Variants in MMP20 observed in about 807,000 individuals in gnomAD.
MMP20 encodes matrix metalloproteinase-20.
In MMP20, 50 loss-of-function variants were observed where a neutral mutation model predicts 51.8. The ratio of observed to expected loss-of-function variants is 0.97; its 90% confidence interval spans 0.77 to 1.22. The LOEUF (loss-of-function observed/expected upper bound fraction) is 1.22, where lower values mean the gene tolerates loss of function less well. Among genes scored for constraint, MMP20 ranks in the 50% most tolerant of loss-of-function variants. The pLI, the probability that MMP20 is intolerant of heterozygous loss-of-function variation, is 0.00. For missense variants in MMP20, 663 were observed against 601.4 expected (o/e 1.10, Z -1.07); for synonymous variants, 244 against 216.2 (o/e 1.13, Z -1.13).
chr11:102,612,711 C>CTTTTCTT (rs1859617952), intron 2 of MMP20, among the ~76,000 whole-genome samples: 1 of 145,668 alleles, frequency 6.9e-6, no homozygotes, highest in Non-Finnish European at 1.5e-5. Context: ...ATAATGCATT[C>CTTTTCTT]TTTTCTTTTT....
chr11:102,590,839 A>T (rs1328707985), intron 8 of MMP20, among the ~76,000 whole-genome samples: 2 of 152,190 alleles, frequency 1.3e-5, no homozygotes, highest in African/African-American at 4.8e-5. Flanking sequence ...CAGTAGGGAC[A>T]TAATGACTAA....
intron 6 of MMP20, among the ~76,000 whole-genome samples, chr11:102,598,681 T>G (rs1565393731): frequency 6.6e-6 from 1 of 152,242 alleles, no homozygotes; most frequent in Non-Finnish European, 1.5e-5. Context: ...GCTAGTTCCT[T>G]GAATTCCTCC....
chr11:102,614,215 C>T (rs7123742), intron 2 of MMP20, among the ~76,000 whole-genome samples: 19,478 of 152,112 alleles, frequency 0.13, 1,380 homozygotes, highest in East Asian at 0.34. Flanking sequence ...AAAGCTTATG[C>T]ATATAAGCAC....
chr11:102,623,642 A>G (rs1339803507), intron 1 of MMP20, among the ~76,000 whole-genome samples: 1 of 152,194 alleles, frequency 6.6e-6, no homozygotes, highest in Non-Finnish European at 1.5e-5. Context: ...AGGACCAATA[A>G]TTAATATTCT....
chr11:102,621,504 G>A (rs1201443156), intron 1 of MMP20, among the ~76,000 whole-genome samples: 2 of 152,192 alleles, frequency 1.3e-5, no homozygotes, highest in South Asian at 2.1e-4. Context: ...TACTGGCTAC[G>A]TGAGTGTGAG....
Position 102,577,412 on chromosome 11 carries a change from A to G in MMP20, c.1366T>C (p.Phe456Leu), listed in dbSNP as rs768247344. ...TACTTGTATGTTTTTGGTCCTGAAA[A>G]GAAGTAAATGTAGCCTAAAAGAGAC... is the stretch of plus-strand genomic sequence containing the variant. ...AVELNGYIYFFSGPKTYKYDT... is the reference protein window; with the variant it reads ...AVELNGYIYFLSGPKTYKYDT... The change falls in exon 10 of 10, where the codon TTT (phenylalanine) becomes CTT (leucine). Residue 456 changes from phenylalanine to leucine, a missense_variant. Transcript: ENST00000260228. 3.7e-6 allele frequency: 6 copies of G among 1,613,370 alleles called. No individual in the cohort carries two copies. In the South Asian group the frequency reaches 6.6e-5, roughly 18 times the overall value.
intron 3 of MMP20, 94 bp downstream of exon 3, chr11:102,611,661 G>A: frequency 2.7e-6 from 4 of 1,467,784 alleles, no homozygotes; most frequent in Non-Finnish European, 3.8e-6. Context: ...GTGCGAAGGA[G>A]GAGTGTGTGA....
intron 5 of MMP20, among the ~76,000 whole-genome samples, chr11:102,608,471 G>C (rs1438511537): frequency 1.3e-5 from 2 of 152,164 alleles, no homozygotes; most frequent in African/African-American, 4.8e-5. Flanking sequence ...CCCACAGGTT[G>C]GTTGTGAGGC....
At chr11:102,580,561 T>A (rs1859180712) in intron 8 of MMP20, among the ~76,000 whole-genome samples, 1 of 152,236 alleles carries the variant, frequency 6.6e-6, no homozygotes, top group South Asian at 2.1e-4. Flanking sequence ...AAGTCTGAGC[T>A]GCTTTACAGA....
intron 3 of MMP20, among the ~76,000 whole-genome samples, chr11:102,610,647 A>G (rs972656338): frequency 1.3e-5 from 2 of 152,168 alleles, no homozygotes; most frequent in Non-Finnish European, 2.9e-5. Context: ...TTAATTATCT[A>G]TTTTAACTAA....
intron 5 of MMP20, 115 bp from the exon 6 acceptor site, chr11:102,606,791 C>G: frequency 7.8e-7 from 1 of 1,282,612 alleles, no homozygotes; most frequent in East Asian, 2.3e-5. Flanking sequence ...TGATCATGAT[C>G]ATGGCTGTTG....
rs7934921 is a variant in MMP20, at chr11:102,578,919, T to A, written c.1351+120A>T. The A allele has an allele frequency of 0.58, 437,412 of 748,500 alleles. 130,255 individuals carry two copies. Among genetic ancestry groups the A allele is most frequent in the East Asian group, 0.78 (30,295 of 38,756 alleles). 46.4% of individuals were successfully genotyped at this position (748,500 alleles called of 1,614,324 possible). A position where few individuals can be genotyped will look rare whatever the true frequency, so the allele number is the denominator to read the frequency against. On this transcript the variant is annotated intron_variant, in intron 9 of 9. Coordinates refer to ENST00000260228, the MANE Select transcript of MMP20 (RefSeq NM_004771.4). ...GTTTAGATAAACTTATGAAAGGACC[T>A]AAGACCAAATATAAAAACCAAGGAC...
At chr11:102,613,810 T>C (rs916159326) in intron 2 of MMP20, among the ~76,000 whole-genome samples, 2 of 152,234 alleles carry the variant, frequency 1.3e-5, no homozygotes, top group South Asian at 4.1e-4. Context: ...TATTTAATGC[T>C]TTCAAAATAT....
chr11:102,606,394 C>T, intron 6 of MMP20, 141 bp downstream of exon 6: 2 of 1,137,792 alleles, frequency 1.8e-6, no homozygotes, highest in Non-Finnish European at 2.6e-6. Context: ...CCCAAAGACC[C>T]CTGCCTACCA....
rs532748036 is a variant in MMP20 at position 102,589,643 on chromosome 11, A to G, written c.1247+3796T>C. On this transcript the variant is annotated intron_variant, in intron 8 of 9. Transcript: ENST00000260228. The stretch of plus-strand genomic sequence containing the variant: ...TCCAAATTGTCAGATAATTGTTGGT[A>G]GAGTTAAGATTAACACTAGGACTTT... 3.9e-5 allele frequency among the ~76,000 whole-genome samples: 6 copies of G among 152,326 alleles called. No individual in the cohort carries two copies. The South Asian group carries it at 1.2e-3, about 32-fold the overall frequency.
Position 102,593,580 on chromosome 11 carries a change from A to T in MMP20, c.1106T>A (p.Ile369Lys), listed in dbSNP as rs760029624. ...AYFFKGPHYW[I>K]TRGFQMQGPP... is the part of the protein sequence containing the mutation. ...ACCTTGCATTTGGAATCCTCTTGTT[A>T]TCCAGTAGTGGGGACCTGAAAACAG... The change falls in exon 8 of 10, where the codon ATA becomes AAA. Residue 369 changes from isoleucine to lysine, a missense_variant. By Grantham distance (102) the Ile-to-Lys change is moderately radical (BLOSUM62 -3). Coordinates refer to ENST00000260228, the MANE Select transcript of MMP20 (RefSeq NM_004771.4). The T allele has an allele frequency of 1.9e-6, 3 of 1,614,128 alleles. No individual in the cohort carries two copies. The highest frequency in any genetic ancestry group is 2.5e-6 in the Non-Finnish European group (3 of 1,179,978).
At chr11:102,621,017 G>C (rs374847723) in intron 1 of MMP20, among the ~76,000 whole-genome samples, 2 of 152,178 alleles carry the variant, frequency 1.3e-5, no homozygotes, top group African/African-American at 2.4e-5. Flanking sequence ...ACACATCTGC[G>C]TGGCTGGCCC....
chr11:102,624,998 G>C (rs1859801725), intron 1 of MMP20, among the ~76,000 whole-genome samples, 196 bp downstream of exon 1: 2 of 152,228 alleles, frequency 1.3e-5, no homozygotes, highest in Non-Finnish European at 2.9e-5. Context: ...TATTTATTCA[G>C]TCATGTAACA....
At chr11:102,606,712 G>A in intron 5 of MMP20, 36 bp from the exon 6 acceptor site, 1 of 1,612,624 alleles carries the variant, frequency 6.2e-7, no homozygotes. Context: ...AATGGTAACG[G>A]GAATTTGGAG....
Sources: gnomAD v4.1 joint callset for allele counts (sites outside exome capture counted in the v4.1 genomes callset) on GRCh38, gnomAD v4.1.1 for gene constraint, MANE v1.5 for transcripts, NCBI Gene and HGNC (gene_info 2026-07-23, HGNC 2026-07-21) for gene names.